The following MYH7B variants were observed in gnomAD, a reference collection of about 807,000 sequenced individuals.
MYH7B encodes the protein myosin-7B.
Under a neutral mutation model 234.5 loss-of-function variants are expected in MYH7B, and 205 were observed. That is an observed-to-expected ratio of 0.87 (90% CI 0.78 to 0.98). MYH7B has a LOEUF of 0.98. Among genes scored for constraint, MYH7B ranks in the 50% least tolerant of loss-of-function variants. The pLI is 0.00. For missense variants in MYH7B, 2,652 were observed against 2,633.4 expected (o/e 1.01, Z -0.15); for synonymous variants, 1,193 against 1,105.0 (o/e 1.08, Z -1.58).
chr20:34,993,220 A>G lies in MYH7B; in HGVS notation c.2302A>G (p.Thr768Ala), dbSNP rs376113827. Residue 768 changes from threonine to alanine, a missense_variant, in exon 25 of 45, where the codon ACC (threonine) becomes GCC (alanine). Thr to Ala is a moderately conservative substitution (Grantham distance 58). Around this residue, in one of 3 missense-constraint regions of MYH7B, gnomAD observed 2,279 missense variants for 2,211.4 expected, o/e 1.03. Coordinates refer to ENST00000262873, the Ensembl canonical transcript of MYH7B. ...TCACACCCAGTACCAGTTTGGCCAC[A>G]CCAAGGTCGGGGCACTGTGGGATCA... is the stretch of plus-strand genomic sequence containing the variant. 134 of 1,613,800 alleles carry G rather than the reference A, an allele frequency of 8.3e-5. No homozygotes were observed. The highest frequency in any genetic ancestry group is 2.2e-4 in the Admixed American group (13 of 59,990).
chr20:34,996,155 C>T (rs1395050421), intron 28 of MYH7B, among the ~76,000 whole-genome samples, 191 bp from the exon 29 acceptor site: 1 of 152,200 alleles, frequency 6.6e-6, no homozygotes, highest in African/African-American at 2.4e-5. Context: ...GCGGGTGCAT[C>T]CACTCGTGAA....
Position 35,000,431 on chromosome 20 carries a change from C to T in MYH7B, c.4920C>T (p.Thr1640=), listed in dbSNP as rs143766988. 1.4e-4 allele frequency: 219 copies of T among 1,601,766 alleles called. 3 individuals carry two copies. The East Asian group carries it at 4.3e-3, about 32-fold the overall frequency. ...TGGAGCTGCAGCTGGGCCATGCCAC[C>T]CGTCAGGCCACAGAGGCCCAGGCTG... Residue 1640 remains threonine (T), a synonymous_variant, in exon 39 of 45, where the codon ACC becomes ACT. Transcript: ENST00000262873.
rs2081952654 is a variant in MYH7B, at chr20:34,982,357, G to A, written c.528-102G>A. On this transcript the variant is annotated intron_variant, in intron 9 of 44. Coordinates refer to ENST00000262873, the Ensembl canonical transcript of MYH7B. ...TCCATCCTTGGGGGTTTCAAGCTGG[G>A]GGGAAGGAGAGGTGGAGGGCTCTGC... is the stretch of plus-strand genomic sequence containing the variant. 7 of 976,292 alleles carry A rather than the reference G, an allele frequency of 7.2e-6. No individual in the cohort carries two copies. The Admixed American group carries it at 1.2e-4, about 16-fold the overall frequency. The allele number at this position is 976,292 out of a possible 1,614,324, so 60.5% of individuals were successfully genotyped here.
Position 34,979,644 on chromosome 20 carries a change from C to T in MYH7B, c.199-17C>T. ...TTCCTCCCGGTCCCCCGGCCCCTGA[C>T]ACGATCTCCCTGGTAGGTGCTGATG... On this transcript the variant is annotated splice_polypyrimidine_tract_variant and intron_variant, in intron 6 of 44. Coordinates refer to ENST00000262873, the Ensembl canonical transcript of MYH7B. 1 of 1,613,920 alleles carries T rather than the reference C, an allele frequency of 6.2e-7. No homozygotes were observed. Among genetic ancestry groups the T allele is most frequent in the Non-Finnish European group, 8.5e-7 (1 of 1,179,894 alleles).
At chr20:34,987,056 C>G in intron 15 of MYH7B, 67 bp downstream of exon 15, 2 of 1,606,222 alleles carry the variant, frequency 1.2e-6, no homozygotes, top group Non-Finnish European at 8.5e-7. Context: ...ACTGCCGGTG[C>G]CCCCAGCTGC....
intron 1 of MYH7B, among the ~76,000 whole-genome samples, chr20:34,956,888 C>G (rs374639106): frequency 4.6e-5 from 7 of 152,138 alleles, no homozygotes; most frequent in African/African-American, 1.7e-4. Context: ...AACCCCGTCT[C>G]TACTAGAAAT....
intron 4 of MYH7B, 116 bp from the exon 5 acceptor site, chr20:34,977,818 C>A: frequency 6.7e-7 from 1 of 1,502,200 alleles, no homozygotes; most frequent in Non-Finnish European, 9.2e-7. Context: ...TGCATGTATG[C>A]TGGGCACTCA....
chr20:34,981,237 T>A, intron 9 of MYH7B, 177 bp downstream of exon 9: 1 of 705,812 alleles, frequency 1.4e-6, no homozygotes, highest in Non-Finnish European at 2.4e-6. Context: ...CTGCCCCCAT[T>A]CTGAACAGAT....
intron 17 of MYH7B, 21 bp from the exon 18 acceptor site, chr20:34,987,744 C>T: frequency 1.2e-6 from 2 of 1,614,006 alleles, no homozygotes; most frequent in Non-Finnish European, 1.7e-6. Context: ...AGGTCCCAGC[C>T]CAGCCTCCCT....
intron 7 of MYH7B, 113 bp downstream of exon 7, chr20:34,979,917 T>A (rs2081917497): frequency 2.6e-6 from 3 of 1,138,836 alleles, no homozygotes; most frequent in Middle Eastern, 3.1e-4. Context: ...GAGCGGTGGA[T>A]CGGGGCTGTG....
At chr20:34,996,742 G>A (rs2147229978) in exon 30 of MYH7B, 1 of 1,612,292 alleles carries the variant, frequency 6.2e-7, no homozygotes, top group Admixed American at 1.7e-5. Context: ...GCAGCAGCTG[G>A]AGGAGAAGCT....
At chr20:34,956,219 C>T (rs1445546773) in intron 1 of MYH7B, among the ~76,000 whole-genome samples, 15 of 152,116 alleles carry the variant, frequency 9.9e-5, no homozygotes, top group Non-Finnish European at 1.5e-5. Flanking sequence ...CCAGCCCAGC[C>T]AAGTCCCAGA....
exon 41 of MYH7B, chr20:35,001,099 G>A (rs2082368869): frequency 6.2e-7 from 1 of 1,613,820 alleles, no homozygotes; most frequent in South Asian, 1.1e-5. Flanking sequence ...CCGCCTTGAG[G>A]AGGCAGAACA....
intron 7 of MYH7B, 101 bp downstream of exon 7, chr20:34,979,905 G>A: frequency 2.3e-6 from 3 of 1,332,222 alleles, no homozygotes; most frequent in South Asian, 1.3e-5. Context: ...GGGCGGGGCT[G>A]TGAGCGGTGG....
Position 34,996,610 on chromosome 20 carries a change from C to T in MYH7B, c.3121-3C>T. On this transcript the variant is annotated splice_polypyrimidine_tract_variant and splice_region_variant and intron_variant, in intron 29 of 44. Coordinates refer to ENST00000262873, the Ensembl canonical transcript of MYH7B. ...GCTGACCCCTGCTGTGCCTGCTCTGCAGCTGGAATGCTCCCTGGAGCAGGA... is the reference window on the plus strand; with the variant it reads ...GCTGACCCCTGCTGTGCCTGCTCTGTAGCTGGAATGCTCCCTGGAGCAGGA... 1.2e-6 allele frequency: 2 copies of T among 1,609,320 alleles called. No individual in the cohort carries two copies. The highest frequency in any genetic ancestry group is 1.7e-6 in the Non-Finnish European group (2 of 1,178,078).
intron 19 of MYH7B, among the ~76,000 whole-genome samples, chr20:34,989,032 ACTC>A (rs1189102851): frequency 6.6e-6 from 1 of 152,110 alleles, no homozygotes; most frequent in East Asian, 1.9e-4. Flanking sequence ...CTGGTCTCGA[ACTC>A]CTGACCTCAA....
intron 27 of MYH7B, 74 bp from the exon 28 acceptor site, chr20:34,995,262 G>A: frequency 2.0e-6 from 3 of 1,494,356 alleles, no homozygotes; most frequent in Non-Finnish European, 2.7e-6. Context: ...TTCCTCTCCA[G>A]GGCCTGGCCT....
intron 13 of MYH7B, among the ~76,000 whole-genome samples, chr20:34,985,764 G>GAC (rs906667028): frequency 2.6e-5 from 4 of 151,928 alleles, no homozygotes; most frequent in African/African-American, 9.7e-5. Flanking sequence ...CCCCTACACA[G>GAC]ACACACACAG....
At chr20:35,001,605 C>T in intron 43 of MYH7B, 79 bp downstream of exon 43, 1 of 1,258,192 alleles carries the variant, frequency 7.9e-7, no homozygotes, top group Non-Finnish European at 1.1e-6. Flanking sequence ...GAGGCATCAG[C>T]AGCAGCTCCA....
Sources: gnomAD v4.1 joint callset for allele counts (sites outside exome capture counted in the v4.1 genomes callset) on GRCh38, gnomAD v4.1.1 for gene constraint, gnomAD v4.1.1 regional missense constraint, MANE v1.5 for transcripts, NCBI Gene and HGNC (gene_info 2026-07-23, HGNC 2026-07-21) for gene names.